EPHB1: variants seen among roughly 807,000 people sequenced by gnomAD.
EPHB1 encodes the protein ephrin type-B receptor 1.
EPHB1 carries 30 observed loss-of-function variants against 94.4 expected under a neutral mutation model. The ratio of observed to expected loss-of-function variants is 0.32; its 90% CI spans 0.24 to 0.43. The LOEUF (loss-of-function observed/expected upper bound fraction) is 0.43, where lower values mean the gene tolerates loss of function less well. Ranked by LOEUF, EPHB1 falls within the 20% of genes least tolerant of loss-of-function variation. EPHB1 has a pLI of 1.00. For missense variants in EPHB1, 1,055 were observed against 1,308.3 expected (o/e 0.81, Z 2.99); for synonymous variants, 522 against 489.1 (o/e 1.07, Z -0.89).
At chr3:135,197,877 T>C (rs1232318079) in intron 11 of EPHB1, among the ~76,000 whole-genome samples, 6 of 152,168 alleles carry the variant, frequency 3.9e-5, no homozygotes, top group Admixed American at 3.9e-4. Context: ...CTGGAAGTTC[T>C]TTTTGGAGAA....
chr3:135,091,242 A>G (rs1428144832), intron 3 of EPHB1, among the ~76,000 whole-genome samples: 2 of 152,204 alleles, frequency 1.3e-5, no homozygotes, highest in Non-Finnish European at 2.9e-5. Context: ...GGTGAGCTCC[A>G]CAGAGCTGCA....
chr3:135,129,462 T>A (rs1321473840), intron 4 of EPHB1, among the ~76,000 whole-genome samples: 1 of 152,200 alleles, frequency 6.6e-6, no homozygotes, highest in Non-Finnish European at 1.5e-5. Flanking sequence ...GGCCCCTCCA[T>A]CCACCTACAG....
At chr3:135,080,372 C>T (rs1198883171) in intron 3 of EPHB1, among the ~76,000 whole-genome samples, 1 of 152,138 alleles carries the variant, frequency 6.6e-6, no homozygotes, top group Admixed American at 6.5e-5. Flanking sequence ...TGCCCCAAAC[C>T]AAAACTCTTA....
intron 1 of EPHB1, among the ~76,000 whole-genome samples, chr3:134,863,523 G>T (rs932363293): frequency 9.8e-5 from 15 of 152,306 alleles, no homozygotes; most frequent in African/African-American, 3.6e-4. Context: ...TGGAACAAAA[G>T]AAGGAAGAAA....
At chr3:135,046,655 G>A (rs910141408) in intron 3 of EPHB1, among the ~76,000 whole-genome samples, 3 of 152,144 alleles carry the variant, frequency 2.0e-5, no homozygotes, top group African/African-American at 7.2e-5. Flanking sequence ...AGTCCCAGGC[G>A]AGACTAATTA....
intron 3 of EPHB1, among the ~76,000 whole-genome samples, chr3:135,016,371 A>G (rs564933968): frequency 1.2e-4 from 18 of 152,358 alleles, no homozygotes; most frequent in South Asian, 8.3e-4. Context: ...CCATTTGCCA[A>G]TAATATACTC....
chr3:134,971,951 GAACTT>G (rs1329631819), intron 3 of EPHB1, among the ~76,000 whole-genome samples: 1 of 152,132 alleles, frequency 6.6e-6, no homozygotes, highest in Non-Finnish European at 1.5e-5. Context: ...AGGGTGAGAG[GAACTT>G]AACTTGTAAT....
At chr3:134,901,117 A>C (rs1428889356) in intron 1 of EPHB1, among the ~76,000 whole-genome samples, 2 of 152,192 alleles carry the variant, frequency 1.3e-5, no homozygotes, top group African/African-American at 4.8e-5. Context: ...AAATATTTTT[A>C]CATTAATATG....
At chr3:134,927,159 A>T (rs560067854) in intron 2 of EPHB1, among the ~76,000 whole-genome samples, 1 of 152,316 alleles carries the variant, frequency 6.6e-6, no homozygotes, top group South Asian at 2.1e-4. Context: ...TCTATGCCCC[A>T]TGAAGGATCT....
At chr3:135,055,588 G>A (rs1294242680) in intron 3 of EPHB1, among the ~76,000 whole-genome samples, 1 of 152,190 alleles carries the variant, frequency 6.6e-6, no homozygotes, top group Non-Finnish European at 1.5e-5. Context: ...CACTCACTAG[G>A]TTGAGGGCCT....
intron 3 of EPHB1, among the ~76,000 whole-genome samples, chr3:134,969,577 TG>T (rs1933892626): frequency 6.6e-6 from 1 of 152,216 alleles, no homozygotes; most frequent in African/African-American, 2.4e-5. Flanking sequence ...CAGCCAGCTC[TG>T]CTTGGGCTTC....
chr3:135,241,899 G>C (rs1943793157), intron 13 of EPHB1, among the ~76,000 whole-genome samples: 1 of 152,236 alleles, frequency 6.6e-6, no homozygotes, highest in Non-Finnish European at 1.5e-5. Flanking sequence ...GGCAGCTTCA[G>C]ATGGGCCACA....
intron 5 of EPHB1, among the ~76,000 whole-genome samples, chr3:135,141,309 A>G (rs546071833): frequency 2.6e-4 from 39 of 152,160 alleles, no homozygotes; most frequent in African/African-American, 8.7e-4. Context: ...TGTTAAAGGG[A>G]CAATACAGTG....
At chr3:134,916,273 C>T (rs1368283833) in intron 1 of EPHB1, among the ~76,000 whole-genome samples, 1 of 152,234 alleles carries the variant, frequency 6.6e-6, no homozygotes, top group East Asian at 1.9e-4. Flanking sequence ...CCACTAGACT[C>T]AGGAGCCCAG....
At chr3:135,203,512 G>A (rs1361422298) in intron 12 of EPHB1, among the ~76,000 whole-genome samples, 8 of 152,132 alleles carry the variant, frequency 5.3e-5, no homozygotes, top group Non-Finnish European at 7.4e-5. Flanking sequence ...AGGCTTTGCC[G>A]GCTAAGAGGC....
chr3:135,241,120 G>A lies in EPHB1; in HGVS notation c.2347-28G>A, dbSNP rs763012345. 3.7e-6 allele frequency: 6 copies of A among 1,614,030 alleles called. No individual in the cohort carries two copies. In the Admixed American group the frequency reaches 1.0e-4, roughly 27 times the overall value. On this transcript the variant is annotated intron_variant, in intron 12 of 15. Transcript: ENST00000398015. The stretch of plus-strand genomic sequence containing the variant: ...CCTTCAATCAGAAACCTGATTGTTG[G>A]GCTGACCACGGTTTCTCCTTCTTTC...
chr3:135,018,772 G>A (rs1009011334), intron 3 of EPHB1, among the ~76,000 whole-genome samples: 2 of 152,150 alleles, frequency 1.3e-5, no homozygotes, highest in Non-Finnish European at 2.9e-5. Context: ...CTAGCACTGT[G>A]TCTGCTGAGT....
chr3:134,863,128 C>A (rs2037302443), intron 1 of EPHB1, among the ~76,000 whole-genome samples: 1 of 152,216 alleles, frequency 6.6e-6, no homozygotes, highest in Non-Finnish European at 1.5e-5. Flanking sequence ...ACACTGTGCA[C>A]ACTGCCTCTA....
intron 1 of EPHB1, among the ~76,000 whole-genome samples, chr3:134,857,767 A>T (rs1159740833): frequency 6.6e-6 from 1 of 152,116 alleles, no homozygotes. Context: ...AAATCTTTAA[A>T]TTTTATCCTT....
Sources: allele counts gnomAD v4.1 joint callset (sites outside exome capture counted in the v4.1 genomes callset), GRCh38; gene constraint gnomAD v4.1.1; transcripts MANE v1.5; gene names NCBI Gene and HGNC (gene_info 2026-07-23, HGNC 2026-07-21).